SMARCC1: variants seen among roughly 807,000 people sequenced by gnomAD.
SMARCC1 encodes the protein SWI/SNF related BAF chromatin remodeling complex subunit C1.
Under a neutral mutation model 147.4 loss-of-function variants are expected in SMARCC1, and 43 were observed. The ratio of observed to expected loss-of-function variants is 0.29; its 90% confidence interval spans 0.23 to 0.38. SMARCC1 has a LOEUF of 0.38. Among genes scored for constraint, SMARCC1 ranks in the 10% least tolerant of loss-of-function variants. The probability of loss-of-function intolerance (pLI) is 1.00; values close to 1 mark genes in which losing one functional copy is unlikely to be tolerated. For synonymous variants in SMARCC1, 495 were observed against 484.4 expected, an observed-to-expected ratio of 1.02 and a Z score of -0.29; for missense variants, 1,119 against 1,381.1, an observed-to-expected ratio of 0.81 and a Z score of 3.01.
chr3:47,683,573 CCGGA>C (rs1309448765), intron 14 of SMARCC1, among the ~76,000 whole-genome samples: 1 of 152,016 alleles, frequency 6.6e-6, no homozygotes, highest in Non-Finnish European at 1.5e-5. Context: ...CCAAGATTGG[CCGGA>C]CGCAGTGGCT....
At chr3:47,622,418 A>G in intron 24 of SMARCC1, 77 bp from the exon 25 acceptor site, 3 of 1,347,642 alleles carry the variant, frequency 2.2e-6, no homozygotes, top group Admixed American at 3.6e-5. Flanking sequence ...GACAATATTC[A>G]AAGTAGAGAT....
chr3:47,744,173 T>C (rs539304886), intron 3 of SMARCC1, among the ~76,000 whole-genome samples: 2 of 152,232 alleles, frequency 1.3e-5, no homozygotes, highest in South Asian at 2.1e-4. Flanking sequence ...TCTTTTTTTT[T>C]GGAGACAGCC....
At chr3:47,599,272 A>G (rs906058558) in intron 26 of SMARCC1, among the ~76,000 whole-genome samples, 8 of 152,034 alleles carry the variant, frequency 5.3e-5, no homozygotes, top group Non-Finnish European at 1.2e-4. Context: ...AATACCAGCT[A>G]CTTGGGAAGC....
intron 10 of SMARCC1, among the ~76,000 whole-genome samples, chr3:47,704,427 G>A (rs774544324): frequency 1.3e-5 from 2 of 152,106 alleles, no homozygotes; most frequent in Non-Finnish European, 2.9e-5. Flanking sequence ...ACTCAATCTG[G>A]TATGCGTTAT....
chr3:47,764,017 C>G (rs1020633839), intron 2 of SMARCC1, among the ~76,000 whole-genome samples: 1 of 151,852 alleles, frequency 6.6e-6, no homozygotes, highest in East Asian at 1.9e-4. Flanking sequence ...CTGCACCCAG[C>G]CTTTCTCTTT....
At chr3:47,597,052 C>T (rs752635295) in intron 26 of SMARCC1, among the ~76,000 whole-genome samples, 1 of 151,008 alleles carries the variant, frequency 6.6e-6, no homozygotes, top group Non-Finnish European at 1.5e-5. Context: ...TGGCACGCAC[C>T]TGTAATCCCA....
At chr3:47,695,103 G>C (rs1204963363) in intron 11 of SMARCC1, among the ~76,000 whole-genome samples, 1 of 152,208 alleles carries the variant, frequency 6.6e-6, no homozygotes, top group Non-Finnish European at 1.5e-5. Flanking sequence ...CAACTGTAGT[G>C]TCCTGGTATT....
chr3:47,719,032 C>T (rs1357203091), intron 7 of SMARCC1, among the ~76,000 whole-genome samples: 1 of 152,156 alleles, frequency 6.6e-6, no homozygotes, highest in Non-Finnish European at 1.5e-5. Flanking sequence ...CCTGCCTCAG[C>T]CTCCCAAGTA....
intron 21 of SMARCC1, among the ~76,000 whole-genome samples, chr3:47,657,731 T>G (rs950411636): frequency 1.3e-5 from 2 of 151,948 alleles, no homozygotes; most frequent in African/African-American, 4.8e-5. Context: ...GAGAATGGCT[T>G]GAACCTGGGA....
rs564064694 is a variant in SMARCC1, at chr3:47,675,831, G to C, written c.1726-243C>G. 4.5e-4 allele frequency among the ~76,000 whole-genome samples: 68 copies of C among 151,958 alleles called. 1 individual carries two copies. The South Asian group carries it at 0.014, about 30-fold the overall frequency. On this transcript the variant is annotated intron_variant, in intron 17 of 27. Coordinates refer to ENST00000254480, the MANE Select transcript of SMARCC1 (RefSeq NM_003074.4). ...GTGGTGGCACGTGCCTATAATCTCA[G>C]CTACTCAGGAGGCTGAGGCAGTAGA...
intron 11 of SMARCC1, among the ~76,000 whole-genome samples, chr3:47,700,887 G>A (rs2033909071): frequency 6.6e-6 from 1 of 152,036 alleles, no homozygotes; most frequent in South Asian, 2.1e-4. Context: ...GGTAACTAAG[G>A]TTCATCACAC....
intron 26 of SMARCC1, among the ~76,000 whole-genome samples, chr3:47,609,029 T>C (rs1174506300): frequency 6.6e-6 from 1 of 151,838 alleles, no homozygotes; most frequent in African/African-American, 2.4e-5. Context: ...AACACATAAA[T>C]GGCACAAAAA....
intron 24 of SMARCC1, among the ~76,000 whole-genome samples, chr3:47,633,741 CAAAAAAAAAA>C (rs1162764544): frequency 5.8e-4 from 5 of 8,626 alleles, no homozygotes; most frequent in Non-Finnish European, 8.0e-4. Context: ...GAGACTGTCT[CAAAAAAAAAA>C]AAAAAAAAAA....
Position 47,678,967 on chromosome 3 carries a change from C to T in SMARCC1, c.1458-656G>A, listed in dbSNP as rs1367031090. ...CACAGCAGTTCTTTAAGGGAGATCACGGCGGGGCAATAAGTAGAATCCATG... is the reference window on the plus strand; with the variant it reads ...CACAGCAGTTCTTTAAGGGAGATCATGGCGGGGCAATAAGTAGAATCCATG... On this transcript the variant is annotated intron_variant, in intron 15 of 27. Transcript: ENST00000254480. 2.0e-5 allele frequency among the ~76,000 whole-genome samples: 3 copies of T among 152,086 alleles called. No homozygotes were observed. In the East Asian group the frequency reaches 5.8e-4, roughly 29 times the overall value.
intron 21 of SMARCC1, among the ~76,000 whole-genome samples, chr3:47,654,548 G>C (rs185838732): frequency 3.7e-4 from 56 of 152,264 alleles, no homozygotes; most frequent in Non-Finnish European, 7.5e-4. Flanking sequence ...TGCTATAAAA[G>C]CCTATCTGAA....
chr3:47,742,016 A>G (rs992536399), intron 3 of SMARCC1, among the ~76,000 whole-genome samples: 2 of 151,874 alleles, frequency 1.3e-5, no homozygotes, highest in Non-Finnish European at 2.9e-5. Flanking sequence ...CTTCCCCACA[A>G]AACTGTTTGG....
chr3:47,694,003 T>C (rs557179694), intron 11 of SMARCC1, among the ~76,000 whole-genome samples: 8 of 152,300 alleles, frequency 5.3e-5, no homozygotes, highest in African/African-American at 1.9e-4. Context: ...TGTCAAAATA[T>C]ATCCTGAGAG....
chr3:47,626,743 T>C (rs2032816766), intron 24 of SMARCC1, among the ~76,000 whole-genome samples: 1 of 152,144 alleles, frequency 6.6e-6, no homozygotes, highest in African/African-American at 2.4e-5. Context: ...AAATTAGTGG[T>C]AGCCTTTTCT....
intron 25 of SMARCC1, among the ~76,000 whole-genome samples, chr3:47,614,649 T>A (rs1418766899): frequency 1.3e-5 from 2 of 152,178 alleles, no homozygotes; most frequent in Non-Finnish European, 2.9e-5. Context: ...CTTCCACGGC[T>A]GACACCCTGG....
Sources: allele counts gnomAD v4.1 joint callset (sites outside exome capture counted in the v4.1 genomes callset), GRCh38; gene constraint gnomAD v4.1.1; transcripts MANE v1.5; gene names NCBI Gene and HGNC (gene_info 2026-07-23, HGNC 2026-07-21).